SGSM3: variants seen among roughly 807,000 people sequenced by gnomAD.
SGSM3 encodes the protein RUN and SH3 containing 3.
SGSM3 carries 96 observed loss-of-function variants against 100.5 expected under a neutral mutation model. That is an observed-to-expected ratio of 0.96 (90% confidence interval 0.81 to 1.13). SGSM3 has a LOEUF of 1.13. Ranked by LOEUF, SGSM3 falls within the 50% of genes most tolerant of loss-of-function variation. SGSM3 has a pLI of 0.00. For synonymous variants in SGSM3, 483 were observed against 422.8 expected (o/e 1.14, Z -1.75); for missense variants, 1,001 against 1,015.8 (o/e 0.99, Z 0.20).
At chr22:40,378,390 CT>C (rs1569137644) in intron 1 of SGSM3, 1 of 152,202 alleles carries the variant, frequency 6.6e-6, no homozygotes, top group Non-Finnish European at 1.5e-5. Flanking sequence ...AATAGTGCCA[CT>C]GCATTCCAGC....
In SGSM3 at chr22:40,409,286, C is replaced by T. The variant is rs749044723; in HGVS notation, c.2025C>T (p.Cys675=). 5.0e-6 allele frequency: 8 copies of T among 1,612,212 alleles called. No individual in the cohort carries two copies. Among genetic ancestry groups the T allele is most frequent in the East Asian group, 4.5e-5 (2 of 44,874 alleles). Residue 675 remains cysteine (C), a synonymous_variant, in exon 20 of 22, where the codon TGC becomes TGT. Transcript: ENST00000248929. ...TGCACCTGTGGCTGGAGGTGCTCTGCTCCAGCCTGCCCACCGTGGAGAAGT... is the reference window on the plus strand; with the variant it reads ...TGCACCTGTGGCTGGAGGTGCTCTGTTCCAGCCTGCCCACCGTGGAGAAGT... The part of the protein sequence containing the change: ...QVLHLWLEVL[C]SSLPTVEKWY...
chr22:40,408,803 A>T lies in SGSM3; in HGVS notation c.1863A>T (p.Glu621Asp), dbSNP rs375604609. The T allele has an allele frequency of 1.7e-5, 27 of 1,613,778 alleles. No individual in the cohort carries two copies. The East Asian group carries it at 2.5e-4, about 15-fold the overall frequency. Residue 621 changes from glutamate to aspartate, a missense_variant, in exon 18 of 22, where the codon GAA (glutamate) becomes GAT (aspartate). Coordinates refer to ENST00000248929, the MANE Select transcript of SGSM3 (RefSeq NM_015705.6). Reference protein sequence around the residue: ...LVLCKTFRLDEDGKVLTPEEL... With the variant: ...LVLCKTFRLDDDGKVLTPEEL... ...TTTGGTGTCCCCTCAGGTTGGATGAAGATGGCAAAGTCCTGACCCCGGAGG... is the reference window on the plus strand; with the variant it reads ...TTTGGTGTCCCCTCAGGTTGGATGATGATGGCAAAGTCCTGACCCCGGAGG...
chr22:40,409,730 C>CA lies in SGSM3; in HGVS notation c.2222dup (p.His741GlnfsTer23). On this transcript the variant is annotated frameshift_variant, in exon 22 of 22. Coordinates refer to ENST00000248929, the MANE Select transcript of SGSM3 (RefSeq NM_015705.6). LOFTEE classifies it high-confidence loss of function. ...CGTCCGGGACATGCTGGTGAAGCAC[C>CA]ACCTCTTCAGCTGGGATGTGGACGG... 6.2e-7 allele frequency: 1 copy of CA among 1,611,472 alleles called. No homozygotes were observed. The highest frequency in any genetic ancestry group is 1.1e-5 in the South Asian group (1 of 91,058).
At chr22:40,396,592 CAA>C (rs778373023) in intron 1 of SGSM3, among the ~76,000 whole-genome samples, 4 of 44,442 alleles carry the variant, frequency 9.0e-5, no homozygotes, top group South Asian at 7.6e-4. Flanking sequence ...GACTCTGTCT[CAA>C]AAAAAAAAAA....
chr22:40,407,712 G>C lies in SGSM3; in HGVS notation c.1525-77G>C. 1 of 1,589,748 alleles carries C rather than the reference G, an allele frequency of 6.3e-7. No homozygotes were observed. The highest frequency in any genetic ancestry group is 8.6e-7 in the Non-Finnish European group (1 of 1,158,244). ...GGTCTTGGCCTGGCCTAGTTGCTGA[G>C]GAGTCATATCGGGGGTGCAGGAGGC... On this transcript the variant is annotated intron_variant, in intron 13 of 21. Coordinates refer to ENST00000248929, the MANE Select transcript of SGSM3 (RefSeq NM_015705.6). The surrounding 1 kb of genome is among the most constrained non-coding windows in gnomAD (Gnocchi z 4.7).
chr22:40,383,203 C>T (rs1398075417), intron 1 of SGSM3, among the ~76,000 whole-genome samples: 1 of 152,062 alleles, frequency 6.6e-6, no homozygotes, highest in East Asian at 1.9e-4. Flanking sequence ...TGCAGTGGCT[C>T]ACACCTGTAA....
chr22:40,408,091 G>A lies in SGSM3; in HGVS notation c.1600G>A (p.Val534Met), dbSNP rs1165850270. 4 of 1,613,220 alleles carry A rather than the reference G, an allele frequency of 2.5e-6. No individual in the cohort carries two copies. The highest frequency in any genetic ancestry group is 1.7e-5 in the Admixed American group (1 of 59,984). Residue 534 changes from valine (V) to methionine (M), a missense_variant, in exon 15 of 22, where the codon GTG becomes ATG. Physicochemically the swap from Val to Met is conservative, Grantham distance 21. Coordinates refer to ENST00000248929, the MANE Select transcript of SGSM3 (RefSeq NM_015705.6). ...CACAGGCTGGTTTCCAGCCAAGTTC[G>A]TGGAAGTCCTGGATGAGCGCAGCAA... is the stretch of plus-strand genomic sequence containing the variant. The part of the protein sequence containing the change: ...GLRGWFPAKF[V>M]EVLDERSKEY...
chr22:40,407,689 T>G lies in SGSM3; in HGVS notation c.1525-100T>G. 6.3e-7 allele frequency: 1 copy of G among 1,585,082 alleles called. No individual in the cohort carries two copies. The highest frequency in any genetic ancestry group is 8.7e-7 in the Non-Finnish European group (1 of 1,156,012). On this transcript the variant is annotated intron_variant, in intron 13 of 21. Transcript: ENST00000248929. This position sits in a 1 kb window ranked among gnomAD's most constrained non-coding sequence, Gnocchi z 4.7. ...AGCTTCTCTTGTGAAGATGTAGGGG[T>G]CTTGGCCTGGCCTAGTTGCTGAGGA...
chr22:40,389,992 A>C (rs986623790), intron 1 of SGSM3, among the ~76,000 whole-genome samples: 2 of 152,122 alleles, frequency 1.3e-5, no homozygotes, highest in African/African-American at 2.4e-5. Flanking sequence ...GACTCTTTAG[A>C]CCCAGCACAC....
At chr22:40,405,402 A>C in intron 7 of SGSM3, 118 bp downstream of exon 7, 1 of 1,072,970 alleles carries the variant, frequency 9.3e-7, no homozygotes, top group Non-Finnish European at 1.3e-6. Context: ...ACCCCTAACA[A>C]GGAGTGGCCT....
intron 1 of SGSM3, among the ~76,000 whole-genome samples, chr22:40,389,919 A>G (rs906962262): frequency 3.3e-5 from 5 of 150,768 alleles, no homozygotes; most frequent in Admixed American, 1.3e-4. Context: ...AAAAAAAGAA[A>G]AAAAAAAAAA....
Position 40,407,157 on chromosome 22 carries a change from G to C in SGSM3, c.1241-44G>C. 6.2e-7 allele frequency: 1 copy of C among 1,612,658 alleles called. No individual in the cohort carries two copies. Among genetic ancestry groups the C allele is most frequent in the Non-Finnish European group, 8.5e-7 (1 of 1,179,250 alleles). On this transcript the variant is annotated intron_variant, in intron 11 of 21. Coordinates refer to ENST00000248929, the MANE Select transcript of SGSM3 (RefSeq NM_015705.6). The surrounding 1 kb of genome is among the most constrained non-coding windows in gnomAD (Gnocchi z 4.7). ...TGGACGTGGAGCTTCCTCCTCGGGG[G>C]CCTGGAGTGGGCTGTGGTCACCATG...
chr22:40,402,573 C>T (rs2050896941), intron 4 of SGSM3, among the ~76,000 whole-genome samples: 1 of 152,118 alleles, frequency 6.6e-6, no homozygotes, highest in Admixed American at 6.5e-5. Context: ...AACCCCATCT[C>T]TACTAAAAAT....
intron 1 of SGSM3, among the ~76,000 whole-genome samples, chr22:40,372,358 C>G (rs547789137): frequency 1.6e-4 from 24 of 151,744 alleles, no homozygotes; most frequent in Middle Eastern, 3.5e-3. Context: ...ATCTCCTGAC[C>G]TCGTGATCTG....
At position 40,405,820 on chromosome 22, in the gene SGSM3, A is replaced by G. The variant is rs781624280; in HGVS notation, c.790A>G (p.Lys264Glu). The change falls in exon 8 of 22, where the codon AAG (lysine) becomes GAG (glutamate). Residue 264 changes from lysine to glutamate, a missense_variant. By Grantham distance (56) the Lys-to-Glu change is moderately conservative. Coordinates refer to ENST00000248929, the MANE Select transcript of SGSM3 (RefSeq NM_015705.6). ...TGTCCAGTACCTGCCTCGCCTGGAC[A>G]AGCTGCTCCAGGAGCATGACATTGG... ...LIVQYLPRLD[K>E]LLQEHDIELS... 2 of 1,612,438 alleles carry G rather than the reference A, an allele frequency of 1.2e-6. No homozygotes were observed. Among genetic ancestry groups the G allele is most frequent in the African/African-American group, 1.3e-5 (1 of 74,892 alleles).
chr22:40,396,657 A>G (rs909385308), intron 1 of SGSM3, among the ~76,000 whole-genome samples: 1 of 151,778 alleles, frequency 6.6e-6, no homozygotes, highest in Non-Finnish European at 1.5e-5. Flanking sequence ...TTCATGTTCC[A>G]TGGTAAATGT....
At chr22:40,400,596 T>C (rs1351505032) in intron 1 of SGSM3, 100 bp from the exon 2 acceptor site, 5 of 456,416 alleles carry the variant, frequency 1.1e-5, no homozygotes, top group Non-Finnish European at 2.0e-5. Flanking sequence ...TGAGCTGAGA[T>C]TGCACCACTG....
intron 1 of SGSM3, among the ~76,000 whole-genome samples, chr22:40,398,092 C>T (rs11704559): frequency 2.0e-5 from 3 of 151,886 alleles, no homozygotes; most frequent in Non-Finnish European, 4.4e-5. Context: ...CTCGGCCTCC[C>T]GAGTAGCTGG....
intron 4 of SGSM3, 160 bp from the exon 5 acceptor site, chr22:40,404,087 G>T: frequency 1.9e-6 from 1 of 527,636 alleles, no homozygotes. Context: ...GGCTCACCTG[G>T]AGCTGTCAGA....
Sources: allele counts gnomAD v4.1 joint callset (sites outside exome capture counted in the v4.1 genomes callset), GRCh38; gene constraint gnomAD v4.1.1; non-coding constraint Gnocchi (gnomAD v3.1); transcripts MANE v1.5; gene names NCBI Gene and HGNC (gene_info 2026-07-23, HGNC 2026-07-21).